SNTG1: variants seen among roughly 807,000 people sequenced by gnomAD.
The protein encoded by SNTG1 is gamma-1-syntrophin.
SNTG1 carries 39 observed loss-of-function variants against 74.7 expected under a neutral mutation model. The observed-to-expected ratio is 0.52, with a 90% CI of 0.40 to 0.68. SNTG1 has a LOEUF of 0.68. Among genes scored for constraint, SNTG1 ranks in the 30% least tolerant of loss-of-function variants. The probability of loss-of-function intolerance (pLI) is 0.00; values close to 1 mark genes in which losing one functional copy is unlikely to be tolerated. For synonymous variants in SNTG1, 254 were observed against 217.1 expected (o/e 1.17, Z -1.49); for missense variants, 685 against 609.5 (o/e 1.12, Z -1.30).
intron 1 of SNTG1, among the ~76,000 whole-genome samples, chr8:50,084,807 A>C (rs1052589728): frequency 6.6e-6 from 1 of 152,176 alleles, no homozygotes; most frequent in African/African-American, 2.4e-5. Context: ...GGAGTGTGTT[A>C]GTTATTGCAG....
At chr8:50,525,280 T>G (rs193260990) in intron 9 of SNTG1, among the ~76,000 whole-genome samples, 190 of 152,310 alleles carry the variant, frequency 1.2e-3, no homozygotes, top group Admixed American at 2.4e-3. Flanking sequence ...AAAATTGCAT[T>G]TTTTTCTTGC....
chr8:50,776,964 T>C (rs1447372926), intron 18 of SNTG1, among the ~76,000 whole-genome samples: 1 of 151,890 alleles, frequency 6.6e-6, no homozygotes, highest in Non-Finnish European at 1.5e-5. Flanking sequence ...TTGACTTGTG[T>C]TCTCCTATAG....
chr8:50,244,252 A>C (rs963330737), intron 2 of SNTG1, among the ~76,000 whole-genome samples: 1 of 152,242 alleles, frequency 6.6e-6, no homozygotes, highest in Middle Eastern at 3.4e-3. Flanking sequence ...CACTCCCGTG[A>C]CCCAAATACC....
intron 1 of SNTG1, among the ~76,000 whole-genome samples, chr8:50,105,656 C>T (rs573285960): frequency 9.9e-5 from 15 of 152,144 alleles, no homozygotes; most frequent in African/African-American, 3.1e-4. Context: ...TCAATTCTTC[C>T]TATTCATGAG....
intron 13 of SNTG1, among the ~76,000 whole-genome samples, chr8:50,627,627 G>A (rs1042329945): frequency 6.6e-6 from 1 of 152,154 alleles, no homozygotes; most frequent in African/African-American, 2.4e-5. Context: ...CTATAAACCA[G>A]GGTTCCCATG....
intron 2 of SNTG1, among the ~76,000 whole-genome samples, chr8:50,279,569 T>A (rs1174121564): frequency 1.3e-5 from 2 of 152,170 alleles, no homozygotes; most frequent in Non-Finnish European, 2.9e-5. Flanking sequence ...CATGTAAATT[T>A]AAAAAAATAT....
chr8:50,695,171 TATATGTA>T (rs1289231844), intron 15 of SNTG1, among the ~76,000 whole-genome samples: 4 of 151,436 alleles, frequency 2.6e-5, no homozygotes, highest in African/African-American at 9.7e-5. Flanking sequence ...GATATGATCT[TATATGTA>T]AAAAAAAACC....
intron 9 of SNTG1, among the ~76,000 whole-genome samples, chr8:50,509,422 CTT>C (rs1483169087): frequency 6.6e-6 from 1 of 152,112 alleles, no homozygotes; most frequent in Admixed American, 6.6e-5. Flanking sequence ...TCCACATGAA[CTT>C]TAAAGTAGTT....
intron 2 of SNTG1, among the ~76,000 whole-genome samples, chr8:50,319,219 C>T (rs2090434552): frequency 6.6e-6 from 1 of 152,072 alleles, no homozygotes; most frequent in African/African-American, 2.4e-5. Context: ...CAAAAATTAG[C>T]TGGACATGGT....
chr8:50,648,541 A>G (rs1379348948), intron 13 of SNTG1, among the ~76,000 whole-genome samples: 1 of 152,116 alleles, frequency 6.6e-6, no homozygotes, highest in Non-Finnish European at 1.5e-5. Flanking sequence ...ATCTTATTAC[A>G]ATGACCCCAG....
chr8:50,037,887 T>A (rs1201885657), intron 1 of SNTG1, among the ~76,000 whole-genome samples: 2 of 152,206 alleles, frequency 1.3e-5, no homozygotes, highest in African/African-American at 2.4e-5. Flanking sequence ...AATTACTCAA[T>A]GTTAGCCATG....
rs1352802189 is a variant in SNTG1, at chr8:50,734,233, A to G, written c.1285-17768A>G. The stretch of plus-strand genomic sequence containing the variant: ...AGGTTAATGTAGTAAGAAACAAACT[A>G]TAGACATTTATTTATACAGAGACTA... On this transcript the variant is annotated intron_variant, in intron 17 of 18. Coordinates refer to ENST00000642720, the MANE Select transcript of SNTG1 (RefSeq NM_018967.5). Among the ~76,000 whole-genome samples, 4 of 151,744 alleles carry G rather than the reference A, an allele frequency of 2.6e-5. 1 individual carries two copies. Among genetic ancestry groups the G allele is most frequent in the Admixed American group, 1.3e-4 (2 of 15,186 alleles).
At chr8:50,408,420 A>G (rs895228074) in intron 4 of SNTG1, among the ~76,000 whole-genome samples, 3 of 152,160 alleles carry the variant, frequency 2.0e-5, no homozygotes, top group Non-Finnish European at 4.4e-5. Context: ...GATTTCTCTC[A>G]TTGTTATAAT....
intron 1 of SNTG1, among the ~76,000 whole-genome samples, chr8:50,116,433 C>G (rs1055643040): frequency 6.6e-6 from 1 of 152,036 alleles, no homozygotes; most frequent in South Asian, 2.1e-4. Context: ...TGATTTTTAC[C>G]CACCCTTTGA....
At chr8:50,253,870 A>G (rs984878873) in intron 2 of SNTG1, among the ~76,000 whole-genome samples, 2 of 151,992 alleles carry the variant, frequency 1.3e-5, no homozygotes, top group Admixed American at 6.6e-5. Context: ...AAAAAAGTTC[A>G]TCTCATAGAA....
At chr8:50,467,184 A>G (rs1340032068) in intron 8 of SNTG1, among the ~76,000 whole-genome samples, 1 of 151,976 alleles carries the variant, frequency 6.6e-6, no homozygotes, top group Non-Finnish European at 1.5e-5. Context: ...TTATCACAGA[A>G]TGAGTTACAA....
chr8:50,323,675 A>G (rs919531326), intron 2 of SNTG1, among the ~76,000 whole-genome samples: 2 of 152,142 alleles, frequency 1.3e-5, no homozygotes, highest in Non-Finnish European at 2.9e-5. Flanking sequence ...GCCACCAGGA[A>G]CTAGGGATGT....
chr8:50,151,211 A>G (rs1424322622), intron 1 of SNTG1, among the ~76,000 whole-genome samples: 1 of 152,028 alleles, frequency 6.6e-6, no homozygotes, highest in Non-Finnish European at 1.5e-5. Flanking sequence ...AGGTGTTTAT[A>G]GTGTTCTCTG....
Position 50,049,317 on chromosome 8 carries a change from A to G in SNTG1, c.-102-123244A>G, listed in dbSNP as rs146939028. Among the ~76,000 whole-genome samples the G allele has an allele frequency of 1.8e-4, 27 of 152,296 alleles. No individual in the cohort carries two copies. In the East Asian group the frequency reaches 3.7e-3, roughly 21 times the overall value. ...ACAGATAGACAACTTGTAAATATAT[A>G]GAGAAATATATGCCATGTTAACACT... On this transcript the variant is annotated intron_variant, in intron 1 of 18. Transcript: ENST00000642720.
Sources: allele counts gnomAD v4.1 joint callset (sites outside exome capture counted in the v4.1 genomes callset), GRCh38; gene constraint gnomAD v4.1.1; transcripts MANE v1.5; gene names NCBI Gene and HGNC (gene_info 2026-07-23, HGNC 2026-07-21).